The following ACCSL variants were observed in gnomAD, a reference collection of about 807,000 sequenced individuals.
ACCSL encodes the protein probable inactive 1-aminocyclopropane-1-carboxylate synthase-like protein 2.
ACCSL carries 55 observed loss-of-function variants against 61.7 expected under a neutral mutation model. The observed-to-expected ratio is 0.89, with a 90% CI of 0.72 to 1.12. The LOEUF (loss-of-function observed/expected upper bound fraction) is 1.12. Among genes scored for constraint, ACCSL ranks in the 50% most tolerant of loss-of-function variants. The probability of loss-of-function intolerance (pLI) is 0.00; values close to 1 mark genes in which losing one functional copy is unlikely to be tolerated. For synonymous variants in ACCSL, 258 were observed against 264.3 expected, an observed-to-expected ratio of 0.98 and a Z score of 0.23; for missense variants, 632 against 698.0, an observed-to-expected ratio of 0.91 and a Z score of 1.07.
chr11:43,926,255 G>GC, the ACCSL span, among the ~76,000 whole-genome samples: 1 of 152,124 alleles, frequency 6.6e-6, no homozygotes, highest in African/African-American at 2.4e-5. Flanking sequence ...ACTCTCGGCG[G>GC]CCCCACCACA....
At chr11:44,055,130 G>A in intron 8 of ACCSL, 72 bp from the exon 9 acceptor site, 1 of 1,094,036 alleles carries the variant, frequency 9.1e-7, no homozygotes, top group Non-Finnish European at 1.4e-6. Flanking sequence ...AAAGATGCTT[G>A]TAAAAAGCAT....
chr11:44,020,291 C>CTT, the ACCSL span, among the ~76,000 whole-genome samples: 1 of 151,728 alleles, frequency 6.6e-6, no homozygotes. Context: ...AGTTTTACTC[C>CTT]TTTTTTTTCC....
the ACCSL span, among the ~76,000 whole-genome samples, chr11:44,004,098 T>C: frequency 2.6e-5 from 4 of 151,438 alleles, no homozygotes; most frequent in African/African-American, 7.3e-5. Flanking sequence ...TGCAGCCTCT[T>C]GTTCCGTTGG....
the ACCSL span, among the ~76,000 whole-genome samples, chr11:43,956,626 A>G: frequency 6.6e-4 from 101 of 152,294 alleles, no homozygotes; most frequent in Middle Eastern, 3.4e-3. Flanking sequence ...TCACTGTGTT[A>G]GCCAGGCTGG....
chr11:44,058,510 G>T, intron 12 of ACCSL, 36 bp from the exon 13 acceptor site: 4 of 1,614,004 alleles, frequency 2.5e-6, no homozygotes, highest in Non-Finnish European at 3.4e-6. Flanking sequence ...TGCCAGCTGG[G>T]TCTTGGGCTC....
the ACCSL span, among the ~76,000 whole-genome samples, chr11:43,939,069 G>A: frequency 6.6e-6 from 1 of 152,134 alleles, no homozygotes; most frequent in African/African-American, 2.4e-5. Flanking sequence ...ATCTCTTCTT[G>A]CAAACTGGCC....
At chr11:44,030,549 A>G in the ACCSL span, among the ~76,000 whole-genome samples, 1 of 146,372 alleles carries the variant, frequency 6.8e-6, no homozygotes, top group Non-Finnish European at 1.5e-5. Context: ...CCTCATGGGG[A>G]AAGAATCCAG....
intron 2 of ACCSL, 81 bp downstream of exon 2, chr11:44,050,202 CAGGGGTGAGACAT>C: frequency 8.4e-7 from 1 of 1,183,858 alleles, no homozygotes; most frequent in Non-Finnish European, 1.3e-6. Flanking sequence ...ATGGTAGATA[CAGGGGTGAGACAT>C]AGGAGCCTGG....
At chr11:43,932,993 G>A in the ACCSL span, 1 of 447,856 alleles carries the variant, frequency 2.2e-6, no homozygotes, top group African/African-American at 2.0e-5. Flanking sequence ...TTGGAGGGCT[G>A]CGCTGTGTAG....
At chr11:44,010,999 T>A in the ACCSL span, among the ~76,000 whole-genome samples, 5 of 152,194 alleles carry the variant, frequency 3.3e-5, no homozygotes, top group African/African-American at 7.2e-5. Flanking sequence ...GTTAAAATAT[T>A]GCATTGCATT....
upstream of ACCSL, among the ~76,000 whole-genome samples, chr11:44,047,401 A>T (rs1005901306): frequency 1.3e-5 from 2 of 152,250 alleles, no homozygotes; most frequent in Non-Finnish European, 2.9e-5. Context: ...CAAACCTTTT[A>T]TGTAAAGGGC....
At chr11:43,946,533 T>C in the ACCSL span, among the ~76,000 whole-genome samples, 13 of 152,368 alleles carry the variant, frequency 8.5e-5, no homozygotes, top group Non-Finnish European at 1.8e-4. Flanking sequence ...GATGCCTATA[T>C]ATGCATGTTT....
the ACCSL span, among the ~76,000 whole-genome samples, chr11:43,942,035 CGTGTGTGTGT>C: frequency 2.9e-3 from 262 of 89,696 alleles, 6 homozygotes; most frequent in South Asian, 0.051. Context: ...TGCATTCGTG[CGTGTGTGTGT>C]GTGTGTGTGT....
chr11:44,040,872 TA>T, the ACCSL span, among the ~76,000 whole-genome samples: 144 of 152,176 alleles, frequency 9.5e-4, no homozygotes, highest in African/African-American at 3.1e-3. Flanking sequence ...GGAGAGGCCT[TA>T]AGGAGGAATG....
At chr11:44,058,817 G>T in intron 13 of ACCSL, 118 bp downstream of exon 13, 1 of 1,266,328 alleles carries the variant, frequency 7.9e-7, no homozygotes, top group Admixed American at 2.7e-5. Flanking sequence ...CTGTTTCCAT[G>T]TCTATCTTTA....
At chr11:43,954,653 C>T in the ACCSL span, among the ~76,000 whole-genome samples, 2 of 151,470 alleles carry the variant, frequency 1.3e-5, no homozygotes, top group Non-Finnish European at 2.9e-5. Context: ...GGTGCTATCT[C>T]GGCTCACTGC....
At chr11:43,947,760 AGAGAGG>A in the ACCSL span, among the ~76,000 whole-genome samples, 1 of 28,110 alleles carries the variant, frequency 3.6e-5, no homozygotes, top group Admixed American at 2.6e-4. Context: ...AGAGAGAGAG[AGAGAGG>A]GAGAGAGAGA....
the ACCSL span, chr11:43,943,540 TGTGA>T: frequency 3.8e-6 from 5 of 1,321,884 alleles, no homozygotes; most frequent in Non-Finnish European, 5.0e-6. The surrounding 1 kb of genome is among the most constrained non-coding windows in gnomAD (Gnocchi z 4.8). Context: ...CGAACTCTGC[TGTGA>T]GTGTGTGCGG....
the ACCSL span, among the ~76,000 whole-genome samples, chr11:43,997,275 G>A: frequency 6.6e-6 from 1 of 152,116 alleles, no homozygotes; most frequent in African/African-American, 2.4e-5. Flanking sequence ...GCTTCACCGT[G>A]AGATGCTCTG....
Sources: gnomAD v4.1 joint callset for allele counts (sites outside exome capture counted in the v4.1 genomes callset) on GRCh38, gnomAD v4.1.1 for gene constraint, Gnocchi (gnomAD v3.1) non-coding constraint, MANE v1.5 for transcripts, NCBI Gene and HGNC (gene_info 2026-07-23, HGNC 2026-07-21) for gene names.